The following CHCHD3 variants were observed in gnomAD, a reference collection of about 807,000 sequenced individuals.
CHCHD3 encodes the protein MICOS complex subunit MIC19.
CHCHD3 carries 20 observed loss-of-function variants against 38.2 expected under a neutral mutation model. The observed-to-expected ratio is 0.52, with a 90% CI of 0.37 to 0.76. The LOEUF is 0.76. Ranked by LOEUF, CHCHD3 falls within the 30% of genes least tolerant of loss-of-function variation. The pLI is 0.00. For synonymous variants in CHCHD3, 82 were observed against 100.0 expected (o/e 0.82, Z 1.07); for missense variants, 245 against 279.2 (o/e 0.88, Z 0.87).
At chr7:132,806,122 G>A (rs1003447472) in intron 6 of CHCHD3, among the ~76,000 whole-genome samples, 1 of 152,168 alleles carries the variant, frequency 6.6e-6, no homozygotes, top group African/African-American at 2.4e-5. Context: ...TAGGGGAACT[G>A]ACCGTGGAGA....
At chr7:132,896,838 A>G (rs992709489) in intron 4 of CHCHD3, among the ~76,000 whole-genome samples, 5 of 152,258 alleles carry the variant, frequency 3.3e-5, no homozygotes, top group Non-Finnish European at 5.9e-5. Context: ...CAGTATCACT[A>G]GCAAACTTAA....
At chr7:132,818,064 G>T (rs879358734) in intron 6 of CHCHD3, among the ~76,000 whole-genome samples, 14 of 152,154 alleles carry the variant, frequency 9.2e-5, no homozygotes, top group Non-Finnish European at 1.8e-4. Flanking sequence ...AAGAGATGAT[G>T]CTGAACCTAA....
At chr7:132,816,080 G>A (rs1807194389) in intron 6 of CHCHD3, among the ~76,000 whole-genome samples, 1 of 152,086 alleles carries the variant, frequency 6.6e-6, no homozygotes, top group South Asian at 2.1e-4. Context: ...TTCTTGGTTC[G>A]GCACTTTCTT....
chr7:133,054,678 GT>G (rs1319627283), intron 2 of CHCHD3, among the ~76,000 whole-genome samples: 1 of 151,990 alleles, frequency 6.6e-6, no homozygotes, highest in Non-Finnish European at 1.5e-5. Context: ...CCCTATCCTT[GT>G]TACCACCACC....
chr7:132,836,114 G>A (rs963373595), intron 6 of CHCHD3, among the ~76,000 whole-genome samples: 3 of 148,852 alleles, frequency 2.0e-5, no homozygotes, highest in African/African-American at 7.7e-5. Context: ...AAATTCATGT[G>A]TCTGATTTTT....
At chr7:132,990,274 C>T (rs1182383939) in intron 3 of CHCHD3, among the ~76,000 whole-genome samples, 1 of 152,182 alleles carries the variant, frequency 6.6e-6, no homozygotes, top group East Asian at 1.9e-4. Flanking sequence ...TACTCCTCCC[C>T]ATGCATCCTC....
intron 4 of CHCHD3, among the ~76,000 whole-genome samples, chr7:132,926,801 T>C (rs1585644749): frequency 6.6e-6 from 1 of 152,204 alleles, no homozygotes; most frequent in African/African-American, 2.4e-5. Flanking sequence ...AACTACTACA[T>C]TGTATTGTTT....
intron 4 of CHCHD3, among the ~76,000 whole-genome samples, chr7:132,957,971 A>G (rs1243655004): frequency 1.3e-5 from 2 of 152,232 alleles, no homozygotes; most frequent in Non-Finnish European, 2.9e-5. Context: ...TTACGAATCA[A>G]CCAATGGGCC....
intron 7 of CHCHD3, among the ~76,000 whole-genome samples, chr7:132,793,956 C>A (rs1056826407): frequency 6.6e-6 from 1 of 152,124 alleles, no homozygotes; most frequent in Admixed American, 6.6e-5. Context: ...ATGAGGTTAG[C>A]CTAAATTCAC....
At chr7:132,990,198 G>C (rs192846699) in intron 3 of CHCHD3, among the ~76,000 whole-genome samples, 1 of 152,130 alleles carries the variant, frequency 6.6e-6, no homozygotes, top group Admixed American at 6.5e-5. Context: ...TAAATAACCT[G>C]TTTTACAGAA....
intron 5 of CHCHD3, chr7:132,845,272 C>T (rs184762147): frequency 6.6e-6 from 1 of 152,188 alleles, no homozygotes; most frequent in Admixed American, 6.5e-5. Flanking sequence ...GCACCAGGGA[C>T]TTAGGAATGT....
chr7:132,975,917 A>C (rs1289636833), intron 3 of CHCHD3, among the ~76,000 whole-genome samples: 3 of 118,996 alleles, frequency 2.5e-5, no homozygotes, highest in Admixed American at 9.7e-5. Context: ...GGCGAATGAG[A>C]CTCCGTTTAA....
chr7:132,839,541 C>G (rs1279849582), intron 5 of CHCHD3, among the ~76,000 whole-genome samples: 1 of 152,216 alleles, frequency 6.6e-6, no homozygotes, highest in Non-Finnish European at 1.5e-5. Flanking sequence ...AACAACAAAA[C>G]ACCACCACAA....
chr7:132,827,608 G>T (rs1240977609), intron 6 of CHCHD3, among the ~76,000 whole-genome samples: 4 of 152,166 alleles, frequency 2.6e-5, no homozygotes, highest in Non-Finnish European at 5.9e-5. Flanking sequence ...TATTGTATTA[G>T]AAGTTACATA....
At chr7:133,015,988 T>C (rs1167245311) in intron 3 of CHCHD3, among the ~76,000 whole-genome samples, 3 of 152,018 alleles carry the variant, frequency 2.0e-5, no homozygotes, top group Admixed American at 6.6e-5. Flanking sequence ...CAACCAGATC[T>C]CATGAGAAAT....
chr7:132,959,197 C>T (rs1811251865), intron 4 of CHCHD3, among the ~76,000 whole-genome samples: 1 of 152,186 alleles, frequency 6.6e-6, no homozygotes, highest in African/African-American at 2.4e-5. Flanking sequence ...CCCAAATGAG[C>T]TCTAACTCCC....
rs1175531171 is a variant in CHCHD3, at chr7:132,788,046, C to T, written c.661-2386G>A. On this transcript the variant is annotated intron_variant, in intron 7 of 7. Transcript: ENST00000262570. This position sits in a 1 kb window ranked among gnomAD's most constrained non-coding sequence, Gnocchi z 4.0. ...TGAGCACCCACCATGTAAGAGACACCACCTGGCAGTGTCACAGCGTCACAG... is the reference window on the plus strand; with the variant it reads ...TGAGCACCCACCATGTAAGAGACACTACCTGGCAGTGTCACAGCGTCACAG... 6.6e-6 allele frequency among the ~76,000 whole-genome samples: 1 copy of T among 152,162 alleles called. No homozygotes were observed. The highest frequency in any genetic ancestry group is 2.1e-4 in the South Asian group (1 of 4,820).
At chr7:132,959,925 C>G (rs1005193546) in intron 4 of CHCHD3, among the ~76,000 whole-genome samples, 5 of 151,942 alleles carry the variant, frequency 3.3e-5, no homozygotes, top group African/African-American at 9.7e-5. Flanking sequence ...CTAGTGTATT[C>G]TGGAAAGAGA....
intron 2 of CHCHD3, among the ~76,000 whole-genome samples, chr7:133,029,613 G>A (rs574363346): frequency 6.6e-6 from 1 of 152,338 alleles, no homozygotes; most frequent in East Asian, 1.9e-4. Context: ...GCAGCGAGCT[G>A]TTTATTCCAG....
Sources: gnomAD v4.1 joint callset for allele counts (sites outside exome capture counted in the v4.1 genomes callset) on GRCh38, gnomAD v4.1.1 for gene constraint, Gnocchi (gnomAD v3.1) non-coding constraint, MANE v1.5 for transcripts, NCBI Gene and HGNC (gene_info 2026-07-23, HGNC 2026-07-21) for gene names.